Variants in DOCK1 observed in about 807,000 individuals in gnomAD.
The protein encoded by DOCK1 is dedicator of cytokinesis 1, also known as dedicator of cytokinesis protein 1.
Under a neutral mutation model 262.7 loss-of-function variants are expected in DOCK1, and 138 were observed. The ratio of observed to expected loss-of-function variants is 0.53; its 90% confidence interval spans 0.46 to 0.61. DOCK1 has a LOEUF of 0.61. Among genes scored for constraint, DOCK1 ranks in the 20% least tolerant of loss-of-function variants. DOCK1 has a pLI of 0.00. For synonymous variants in DOCK1, 866 were observed against 867.4 expected, an observed-to-expected ratio of 1.00 and a Z score of 0.03; for missense variants, 1,908 against 2,370.7, an observed-to-expected ratio of 0.80 and a Z score of 4.05.
chr10:127,032,928 G>A (rs115497525), intron 18 of DOCK1, among the ~76,000 whole-genome samples: 1 of 152,176 alleles, frequency 6.6e-6, no homozygotes, highest in African/African-American at 2.4e-5. Flanking sequence ...GGAAGGTAGC[G>A]TGACATAAAG....
intron 4 of DOCK1, among the ~76,000 whole-genome samples, chr10:126,984,323 AATT>A (rs1440974533): frequency 6.6e-6 from 1 of 152,070 alleles, no homozygotes; most frequent in African/African-American, 2.4e-5. Context: ...TTTCAAAAAA[AATT>A]ATTATTATTT....
At chr10:127,037,873 A>G (rs1250550608) in intron 19 of DOCK1, 57 bp downstream of exon 19, 6 of 1,260,816 alleles carry the variant, frequency 4.8e-6, no homozygotes, top group East Asian at 2.6e-5. Flanking sequence ...TTTTTAATGT[A>G]TGTTAACAGA....
chr10:127,086,274 T>C (rs888579315), intron 23 of DOCK1, among the ~76,000 whole-genome samples: 8 of 151,732 alleles, frequency 5.3e-5, no homozygotes, highest in Admixed American at 1.3e-4. Context: ...GTCTTCATTA[T>C]GTGACCACCC....
At chr10:127,261,392 CAT>C (rs2060103366) in intron 29 of DOCK1, among the ~76,000 whole-genome samples, 1 of 104,658 alleles carries the variant, frequency 9.6e-6, no homozygotes, top group Non-Finnish European at 1.9e-5. Flanking sequence ...TGTGTACCTG[CAT>C]GTGTGTGCAT....
chr10:126,998,769 T>G (rs888605393), intron 8 of DOCK1: 4 of 158,146 alleles, frequency 2.5e-5, no homozygotes, highest in Non-Finnish European at 5.6e-5. Context: ...TTTTTCCTGC[T>G]TAGCCTTCAG....
chr10:127,024,498 C>T (rs1385500185), intron 14 of DOCK1, among the ~76,000 whole-genome samples, 187 bp from the exon 15 acceptor site: 1 of 152,162 alleles, frequency 6.6e-6, no homozygotes, highest in African/African-American at 2.4e-5. Context: ...TGTGTGAGAA[C>T]AGGGGTTGGA....
At chr10:127,029,262 C>T (rs11018211) in intron 16 of DOCK1, among the ~76,000 whole-genome samples, 4,785 of 152,248 alleles carry the variant, frequency 0.031, 172 homozygotes, top group East Asian at 0.12. Flanking sequence ...CCATGGCCTT[C>T]GGGGCCTCCC....
chr10:127,105,814 C>T (rs146520861), intron 23 of DOCK1, among the ~76,000 whole-genome samples: 132 of 152,258 alleles, frequency 8.7e-4, no homozygotes, highest in Middle Eastern at 3.4e-3. Flanking sequence ...GGCTGGATTG[C>T]CATGCTGTGA....
chr10:127,182,939 C>T (rs1219969057), intron 27 of DOCK1, among the ~76,000 whole-genome samples: 4 of 151,994 alleles, frequency 2.6e-5, no homozygotes, highest in East Asian at 1.9e-4. Flanking sequence ...CCATCAGAGG[C>T]GGGAGTTGGC....
intron 33 of DOCK1, among the ~76,000 whole-genome samples, chr10:127,364,262 T>A (rs1418488118): frequency 6.6e-6 from 1 of 152,210 alleles, no homozygotes; most frequent in Non-Finnish European, 1.5e-5. Context: ...CTTTAACCTC[T>A]ACACACCCAC....
rs374946985 is a variant in DOCK1, at chr10:127,000,238, C to T, written c.916C>T (p.Arg306Cys). 3.8e-5 allele frequency: 62 copies of T among 1,613,768 alleles called. No homozygotes were observed. The highest frequency in any genetic ancestry group is 2.9e-4 in the East Asian group (13 of 44,880). The change falls in exon 10 of 52, where the codon CGC becomes TGC. Residue 306 changes from arginine to cysteine, a missense_variant. Arg to Cys is a radical substitution (Grantham distance 180, BLOSUM62 -3). Around this residue, in one of 9 missense-constraint regions of DOCK1, gnomAD observed 102 missense variants for 154.9 expected, o/e 0.66. Transcript: ENST00000623213. ...SFVCQIVRVG[R>C]MELRDNNTRK... ...TGTCTGTCAGATTGTTCGCGTGGGT[C>T]GCATGGAGCTGAGGGACAACAACAC...
intron 12 of DOCK1, among the ~76,000 whole-genome samples, chr10:127,017,390 C>G (rs2042063876): frequency 6.6e-6 from 1 of 151,918 alleles, no homozygotes; most frequent in Admixed American, 6.6e-5. Flanking sequence ...GACATACATA[C>G]AGATACAGAC....
intron 29 of DOCK1, among the ~76,000 whole-genome samples, chr10:127,299,625 C>T (rs145664214): frequency 2.9e-4 from 44 of 152,314 alleles, no homozygotes; most frequent in Non-Finnish European, 5.6e-4. Flanking sequence ...GGATTTGGGA[C>T]TTCTGGCCTC....
At chr10:127,002,007 G>A (rs2040629164) in intron 10 of DOCK1, among the ~76,000 whole-genome samples, 1 of 152,186 alleles carries the variant, frequency 6.6e-6, no homozygotes, top group South Asian at 2.1e-4. Flanking sequence ...ACAGGCACAT[G>A]CCGTGCTAAC....
intron 9 of DOCK1, 103 bp from the exon 10 acceptor site, chr10:127,000,069 T>C (rs1438622162): frequency 3.1e-6 from 4 of 1,282,218 alleles, no homozygotes; most frequent in Non-Finnish European, 4.3e-6. Flanking sequence ...TGATAAAAAC[T>C]GGTCTGAGAA....
chr10:127,431,470 T>C (rs2069285267), intron 47 of DOCK1, among the ~76,000 whole-genome samples: 1 of 152,218 alleles, frequency 6.6e-6, no homozygotes, highest in African/African-American at 2.4e-5. Context: ...TCTGAGATTA[T>C]GTATGGGGTA....
intron 27 of DOCK1, among the ~76,000 whole-genome samples, chr10:127,184,554 T>C (rs1442079124): frequency 6.8e-6 from 1 of 146,964 alleles, no homozygotes; most frequent in Non-Finnish European, 1.5e-5. Flanking sequence ...TCTGTGCATA[T>C]ACCTGGATAC....
At chr10:126,953,679 C>T (rs1257929898) in intron 1 of DOCK1, among the ~76,000 whole-genome samples, 1 of 151,812 alleles carries the variant, frequency 6.6e-6, no homozygotes, top group Non-Finnish European at 1.5e-5. Flanking sequence ...GTAGAACGTC[C>T]CTCATTTGTG....
In DOCK1 at chr10:127,106,262, T is replaced by C; in HGVS notation, c.2477T>C (p.Val826Ala). The C allele has an allele frequency of 6.3e-7, 1 of 1,597,342 alleles. No homozygotes were observed. The highest frequency in any genetic ancestry group is 8.5e-7 in the Non-Finnish European group (1 of 1,170,900). Residue 826 changes from valine to alanine, a missense_variant, in exon 24 of 52, where the codon GTC (valine) becomes GCC (alanine). Val to Ala is a moderately conservative substitution (Grantham distance 64). Around this residue, in one of 9 missense-constraint regions of DOCK1, gnomAD observed 518 missense variants for 575.1 expected, o/e 0.90. Coordinates refer to ENST00000623213, the MANE Select transcript of DOCK1 (RefSeq NM_001290223.2). ...GAALKYLPTI[V>A]NDVKLVFDPK... is the part of the protein sequence containing the mutation. ...GCACTGAAATACTTACCAACGATCG[T>C]CAACGATGTGAAATTGGTGTTTGAT...
Sources: gnomAD v4.1 joint callset for allele counts (sites outside exome capture counted in the v4.1 genomes callset) on GRCh38, gnomAD v4.1.1 for gene constraint, gnomAD v4.1.1 regional missense constraint, MANE v1.5 for transcripts, NCBI Gene and HGNC (gene_info 2026-07-23, HGNC 2026-07-21) for gene names.